DCDC2C: variants seen among roughly 807,000 people sequenced by gnomAD.
DCDC2C encodes the protein doublecortin domain-containing protein 2C.
A neutral mutation model predicts 45.0 loss-of-function variants in DCDC2C; 44 were observed. That is an observed-to-expected ratio of 0.98 (90% confidence interval 0.77 to 1.26). The LOEUF is 1.26. Among genes scored for constraint, DCDC2C ranks in the 50% most tolerant of loss-of-function variants. The pLI is 0.00. For missense variants in DCDC2C, 447 were observed against 468.9 expected (o/e 0.95, Z 0.43); for synonymous variants, 187 against 178.8 (o/e 1.05, Z -0.37).
chr2:3,834,595 T>C (rs1672030983), intron 10 of DCDC2C, among the ~76,000 whole-genome samples: 1 of 152,226 alleles, frequency 6.6e-6, no homozygotes, highest in Non-Finnish European at 1.5e-5. Flanking sequence ...GCATTGCACA[T>C]GAGGGAACTG....
intron 3 of DCDC2C, among the ~76,000 whole-genome samples, chr2:3,730,655 C>T (rs550947145): frequency 1.1e-4 from 17 of 152,252 alleles, no homozygotes; most frequent in Non-Finnish European, 2.1e-4. Flanking sequence ...GACTGGTCAG[C>T]TGCTTAATTG....
At chr2:3,820,745 G>T (rs886207414) in intron 10 of DCDC2C, among the ~76,000 whole-genome samples, 1 of 152,146 alleles carries the variant, frequency 6.6e-6, no homozygotes, top group Non-Finnish European at 1.5e-5. Flanking sequence ...TTGAAGGGTA[G>T]GGAGAGAGGG....
intron 4 of DCDC2C, among the ~76,000 whole-genome samples, chr2:3,744,994 T>C (rs1669319367): frequency 1.3e-5 from 2 of 152,238 alleles, no homozygotes; most frequent in Non-Finnish European, 2.9e-5. Flanking sequence ...TATTTATTTA[T>C]TTACTTATTT....
At chr2:3,755,437 A>C (rs1302922921) in intron 6 of DCDC2C, among the ~76,000 whole-genome samples, 1 of 149,854 alleles carries the variant, frequency 6.7e-6, no homozygotes. Context: ...GGAGGCATGC[A>C]TGTGTATGTA....
At chr2:3,827,389 C>T (rs1671853298) in intron 10 of DCDC2C, among the ~76,000 whole-genome samples, 1 of 152,032 alleles carries the variant, frequency 6.6e-6, no homozygotes, top group African/African-American at 2.4e-5. Flanking sequence ...ACAAGAGGGT[C>T]AGGTGGTTCT....
rs550778910 is a variant in DCDC2C at position 3,802,195 on chromosome 2, TTTC to T, written c.1065+17100_1065+17102del. ...AAATAAACTGCTGCCATGTCATCCC[TTTC>T]TTCTATCTTTAGCCAATCCTGGGGT... On this transcript the variant is annotated intron_variant, in intron 10 of 10. Coordinates refer to ENST00000399143, the MANE Select transcript of DCDC2C (RefSeq NM_001287444.2). 1.8e-4 allele frequency among the ~76,000 whole-genome samples: 27 copies of T among 152,372 alleles called. No individual in the cohort carries two copies. In the East Asian group the frequency reaches 4.8e-3, roughly 27 times the overall value.
At chr2:3,772,484 T>G (rs1670201133) in intron 8 of DCDC2C, among the ~76,000 whole-genome samples, 1 of 152,138 alleles carries the variant, frequency 6.6e-6, no homozygotes, top group Non-Finnish European at 1.5e-5. Flanking sequence ...TCCCAGTACT[T>G]GTTAGTCAGT....
chr2:3,740,510 C>CA (rs1408184940), intron 3 of DCDC2C, among the ~76,000 whole-genome samples: 2 of 152,188 alleles, frequency 1.3e-5, no homozygotes, highest in Non-Finnish European at 2.9e-5. Context: ...CAAAATATAA[C>CA]AAGACCTTGT....
chr2:3,729,151 T>C (rs1394860148), intron 3 of DCDC2C, among the ~76,000 whole-genome samples: 1 of 152,148 alleles, frequency 6.6e-6, no homozygotes, highest in Non-Finnish European at 1.5e-5. Flanking sequence ...TTTTGTCGTT[T>C]ATTTAGAAGT....
chr2:3,744,089 G>T lies in DCDC2C; in HGVS notation c.545+2041G>T, dbSNP rs1473241418. ...GCAGTGGGAGGGACATGGAATGGGA[G>T]GATTGCCGAGCAGGGTTGAGAGCCC... On this transcript the variant is annotated intron_variant, in intron 4 of 10. Transcript: ENST00000399143. Among the ~76,000 whole-genome samples, 8 of 151,948 alleles carry T rather than the reference G, an allele frequency of 5.3e-5. No homozygotes were observed. In the East Asian group the frequency reaches 1.5e-3, roughly 29 times the overall value.
chr2:3,741,698 C>CCCCCG (rs1160807768), intron 3 of DCDC2C, among the ~76,000 whole-genome samples: 1 of 151,820 alleles, frequency 6.6e-6, no homozygotes, highest in African/African-American at 2.4e-5. Context: ...CACACATACA[C>CCCCCG]ACACACACAT....
chr2:3,798,640 G>C (rs1444048175), intron 10 of DCDC2C, among the ~76,000 whole-genome samples: 1 of 149,648 alleles, frequency 6.7e-6, no homozygotes, highest in Non-Finnish European at 1.5e-5. Flanking sequence ...AGCTTAGTTT[G>C]GCTGGATATG....
At chr2:3,763,749 T>A (rs920872086) in intron 6 of DCDC2C, among the ~76,000 whole-genome samples, 2 of 152,200 alleles carry the variant, frequency 1.3e-5, no homozygotes, top group African/African-American at 4.8e-5. Flanking sequence ...TGGACTCTGC[T>A]CTTTTGGGCT....
rs146095488 is a variant in DCDC2C at position 3,750,074 on chromosome 2, G to T, written c.546-2689G>T. Among the ~76,000 whole-genome samples, 1,370 of 147,338 alleles carry T rather than the reference G, an allele frequency of 9.3e-3. 25 individuals are homozygous for T. The highest frequency in any genetic ancestry group is 0.033 in the African/African-American group (1,320 of 39,498). On this transcript the variant is annotated intron_variant, in intron 4 of 10. Transcript: ENST00000399143. ...TGTTCCCGGCTCCATCATTCTGCTC[G>T]GCACCCAGAATCCCCGGATCCACGC...
chr2:3,785,104 T>C lies in DCDC2C; in HGVS notation c.1065+4T>C. Reference sequence around the variant, plus strand: ...TTGTGAAGACGTTGAAAGAAAGGTTTGTATCAACAACAAATGCTGTAGTTT... The same window carrying C: ...TTGTGAAGACGTTGAAAGAAAGGTTCGTATCAACAACAAATGCTGTAGTTT... On this transcript the variant is annotated splice_donor_region_variant and intron_variant, in intron 10 of 10. Coordinates refer to ENST00000399143, the MANE Select transcript of DCDC2C (RefSeq NM_001287444.2). 8.1e-7 allele frequency: 1 copy of C among 1,231,728 alleles called. No homozygotes were observed. Among genetic ancestry groups the C allele is most frequent in the Non-Finnish European group, 1.0e-6 (1 of 987,970 alleles). The allele number at this position is 1,231,728 out of a possible 1,614,324, so 76.3% of individuals were successfully genotyped here. A position where few individuals can be genotyped will look rare whatever the true frequency, so the allele number is the denominator to read the frequency against.
intron 10 of DCDC2C, among the ~76,000 whole-genome samples, chr2:3,826,294 A>T (rs567149334): frequency 6.6e-6 from 1 of 152,302 alleles, no homozygotes; most frequent in South Asian, 2.1e-4. Flanking sequence ...AAAGTTTTTC[A>T]TGGCTCTTTA....
intron 2 of DCDC2C, among the ~76,000 whole-genome samples, chr2:3,722,259 G>A (rs1668523032): frequency 6.6e-6 from 1 of 152,208 alleles, no homozygotes; most frequent in Non-Finnish European, 1.5e-5. Context: ...AGCTACATGG[G>A]TATGGATTTC....
At chr2:3,796,702 C>T (rs1670964592) in intron 10 of DCDC2C, among the ~76,000 whole-genome samples, 1 of 140,676 alleles carries the variant, frequency 7.1e-6, no homozygotes, top group Non-Finnish European at 1.5e-5. Flanking sequence ...ACCAGCCTTG[C>T]ATCCCAGGGA....
At chr2:3,722,955 A>G (rs937057712) in intron 2 of DCDC2C, among the ~76,000 whole-genome samples, 3 of 152,330 alleles carry the variant, frequency 2.0e-5, no homozygotes, top group Middle Eastern at 6.8e-3. Flanking sequence ...GTTGGTACCC[A>G]TGGCATTAGT....
Sources: gnomAD v4.1 joint callset for allele counts (sites outside exome capture counted in the v4.1 genomes callset) on GRCh38, gnomAD v4.1.1 for gene constraint, MANE v1.5 for transcripts, NCBI Gene and HGNC (gene_info 2026-07-23, HGNC 2026-07-21) for gene names.